PDZRN4: variants seen among roughly 807,000 people sequenced by gnomAD.
The protein encoded by PDZRN4 is PDZ domain-containing RING finger protein 4.
PDZRN4 carries 70 observed loss-of-function variants against 99.0 expected under a neutral mutation model. The observed-to-expected ratio is 0.71, with a 90% confidence interval of 0.58 to 0.86. PDZRN4 has a LOEUF of 0.86. Among genes scored for constraint, PDZRN4 ranks in the 40% least tolerant of loss-of-function variants. The probability of loss-of-function intolerance (pLI) is 0.00; values close to 1 mark genes in which losing one functional copy is unlikely to be tolerated. For missense variants in PDZRN4, 1,474 were observed against 1,331.2 expected, an observed-to-expected ratio of 1.11 and a Z score of -1.67; for synonymous variants, 551 against 501.6, an observed-to-expected ratio of 1.10 and a Z score of -1.32.
At chr12:41,257,451 G>A (rs1313246078) in intron 3 of PDZRN4, among the ~76,000 whole-genome samples, 1 of 152,152 alleles carries the variant, frequency 6.6e-6, no homozygotes. Flanking sequence ...TAGTGATTAG[G>A]ATTCAACACA....
chr12:41,236,819 G>A (rs770847266), intron 3 of PDZRN4, among the ~76,000 whole-genome samples: 2 of 152,080 alleles, frequency 1.3e-5, no homozygotes, highest in African/African-American at 4.8e-5. Context: ...AATAAGGAAG[G>A]TGTGATAAGA....
In PDZRN4 at chr12:41,479,940, A is replaced by G. The variant is rs1370154295; in HGVS notation, c.844-26516A>G. Among the ~76,000 whole-genome samples the G allele has an allele frequency of 2.0e-5, 3 of 152,250 alleles. No homozygotes were observed. In the East Asian group the frequency reaches 5.8e-4, roughly 29 times the overall value. ...ATGAACATCATTGGTCCATAACTTT[A>G]TAAAACTAAATCAAATGAATTAATG... On this transcript the variant is annotated intron_variant, in intron 3 of 9. Transcript: ENST00000402685.
At chr12:41,464,965 C>G (rs1025001845) in intron 3 of PDZRN4, among the ~76,000 whole-genome samples, 3 of 151,746 alleles carry the variant, frequency 2.0e-5, no homozygotes, top group African/African-American at 7.3e-5. Context: ...GCTGGGATTA[C>G]GAGTGCCTGT....
At chr12:41,295,698 G>C (rs933530773) in intron 3 of PDZRN4, among the ~76,000 whole-genome samples, 1 of 152,068 alleles carries the variant, frequency 6.6e-6, no homozygotes, top group Non-Finnish European at 1.5e-5. Flanking sequence ...TGTCTGAACA[G>C]GATCTAGTTT....
At chr12:41,559,629 C>T (rs988103742) in intron 7 of PDZRN4, among the ~76,000 whole-genome samples, 6 of 152,148 alleles carry the variant, frequency 3.9e-5, no homozygotes, top group Admixed American at 3.9e-4. Flanking sequence ...CCTGATGAAA[C>T]TTTACAAGAA....
intron 3 of PDZRN4, among the ~76,000 whole-genome samples, chr12:41,413,739 G>A (rs547423662): frequency 6.6e-6 from 1 of 152,080 alleles, no homozygotes. Flanking sequence ...GAAGACAGCA[G>A]ATAGCTATGT....
At chr12:41,483,921 T>A (rs1937724550) in intron 3 of PDZRN4, among the ~76,000 whole-genome samples, 1 of 152,170 alleles carries the variant, frequency 6.6e-6, no homozygotes, top group South Asian at 2.1e-4. Context: ...TGAACTTACA[T>A]TCTTTTAATC....
chr12:41,447,564 G>A (rs1193458291), intron 3 of PDZRN4, among the ~76,000 whole-genome samples: 5 of 152,172 alleles, frequency 3.3e-5, no homozygotes, highest in South Asian at 2.1e-4. Context: ...GACACAATAC[G>A]TTTAAAGGGT....
intron 5 of PDZRN4, among the ~76,000 whole-genome samples, chr12:41,519,600 A>AT (rs145818057): frequency 2.7e-4 from 41 of 149,336 alleles, no homozygotes; most frequent in Admixed American, 1.1e-3. Flanking sequence ...TTCTTCAGTG[A>AT]TTTTTTTTTT....
intron 3 of PDZRN4, among the ~76,000 whole-genome samples, chr12:41,330,022 T>C (rs1406894917): frequency 6.6e-6 from 1 of 152,124 alleles, no homozygotes; most frequent in Non-Finnish European, 1.5e-5. Context: ...ATAATGTGCT[T>C]TTTCATGTTT....
At chr12:41,427,170 A>G (rs1952544121) in intron 3 of PDZRN4, among the ~76,000 whole-genome samples, 1 of 152,106 alleles carries the variant, frequency 6.6e-6, no homozygotes, top group African/African-American at 2.4e-5. Context: ...TTTTATCTTA[A>G]AGGAATTTAA....
chr12:41,293,568 T>C (rs1358432820), intron 3 of PDZRN4, among the ~76,000 whole-genome samples: 1 of 152,060 alleles, frequency 6.6e-6, no homozygotes, highest in Non-Finnish European at 1.5e-5. Flanking sequence ...TTAACTGTTC[T>C]CCTCCTGTTT....
chr12:41,503,679 A>T (rs1020787925), intron 3 of PDZRN4, among the ~76,000 whole-genome samples: 5 of 152,162 alleles, frequency 3.3e-5, no homozygotes, highest in African/African-American at 1.2e-4. Flanking sequence ...CATTCAGAAC[A>T]CCAGGACTAG....
At chr12:41,532,920 AATATAT>A in intron 5 of PDZRN4, among the ~76,000 whole-genome samples, 1 of 152,220 alleles carries the variant, frequency 6.6e-6, no homozygotes, top group South Asian at 2.1e-4. Flanking sequence ...ATGCTTGAAA[AATATAT>A]ATATTTTTTG....
chr12:41,196,336 A>G (rs1017503900), intron 3 of PDZRN4, among the ~76,000 whole-genome samples: 1 of 152,040 alleles, frequency 6.6e-6, no homozygotes, highest in East Asian at 1.9e-4. Flanking sequence ...ATTTGTCTCA[A>G]TGATATAGAT....
At chr12:41,245,005 A>T (rs1310067332) in intron 3 of PDZRN4, among the ~76,000 whole-genome samples, 2 of 151,998 alleles carry the variant, frequency 1.3e-5, no homozygotes, top group Non-Finnish European at 2.9e-5. Flanking sequence ...CACTGTCTTG[A>T]CACTCCCTTC....
chr12:41,249,562 A>T (rs1403329734), intron 3 of PDZRN4, among the ~76,000 whole-genome samples: 1 of 152,164 alleles, frequency 6.6e-6, no homozygotes, highest in African/African-American at 2.4e-5. Flanking sequence ...GACAGAAGTT[A>T]GTAGTAGGGT....
At chr12:41,189,233 C>A (rs1417445927) in intron 1 of PDZRN4, 130 bp downstream of exon 1, 6 of 782,056 alleles carry the variant, frequency 7.7e-6, no homozygotes, top group African/African-American at 7.1e-5. Flanking sequence ...AACATCCACA[C>A]CCTGATCATA....
chr12:41,440,758 T>C (rs74078850), intron 3 of PDZRN4, among the ~76,000 whole-genome samples: 1,716 of 152,286 alleles, frequency 0.011, 27 homozygotes, highest in African/African-American at 0.038. Context: ...TATGCACCTA[T>C]TAACTTTTAT....
Sources: gnomAD v4.1 joint callset for allele counts (sites outside exome capture counted in the v4.1 genomes callset) on GRCh38, gnomAD v4.1.1 for gene constraint, MANE v1.5 for transcripts, NCBI Gene and HGNC (gene_info 2026-07-23, HGNC 2026-07-21) for gene names.